Variants in ZNF143 observed in about 807,000 individuals in gnomAD.
The protein encoded by ZNF143 is SPH-binding factor.
ZNF143 carries 49 observed loss-of-function variants against 74.1 expected under a neutral mutation model. The ratio of observed to expected loss-of-function variants is 0.66; its 90% CI spans 0.53 to 0.84. The LOEUF (loss-of-function observed/expected upper bound fraction) is 0.84. ZNF143 is among the 40% of genes least tolerant of loss of function. ZNF143 has a pLI of 0.00. For synonymous variants in ZNF143, 304 were observed against 282.8 expected (o/e 1.07, Z -0.75); for missense variants, 637 against 793.4 (o/e 0.80, Z 2.37).
chr11:9,464,221 T>C (rs987981279), intron 1 of ZNF143, among the ~76,000 whole-genome samples: 1 of 151,646 alleles, frequency 6.6e-6, no homozygotes, highest in Admixed American at 6.6e-5. Context: ...AGCCTCAACC[T>C]CCCTGGCACA....
intron 14 of ZNF143, among the ~76,000 whole-genome samples, chr11:9,518,370 G>A (rs1465701470): frequency 1.3e-5 from 2 of 152,222 alleles, no homozygotes; most frequent in Non-Finnish European, 1.5e-5. Context: ...TAGTGGGAAT[G>A]TAAAATGATC....
intron 7 of ZNF143, among the ~76,000 whole-genome samples, chr11:9,485,548 A>G (rs1297137127): frequency 2.0e-5 from 3 of 151,202 alleles, no homozygotes; most frequent in Non-Finnish European, 4.4e-5. Flanking sequence ...AGGTTTTGCC[A>G]TGTTGGCCAG....
chr11:9,478,472 G>A lies in ZNF143; in HGVS notation c.456G>A (p.Pro152=), dbSNP rs768970571. The A allele has an allele frequency of 3.7e-5, 60 of 1,614,070 alleles. No homozygotes were observed. The highest frequency in any genetic ancestry group is 3.3e-4 in the Middle Eastern group (2 of 6,084). Residue 152 remains proline, a synonymous_variant, in exon 6 of 16, where the codon CCG becomes CCA. Coordinates refer to ENST00000396602, the MANE Select transcript of ZNF143 (RefSeq NM_003442.6). ...ATATCCACCATGCAGTGCAAGTCCC[G>A]CAGTCTGACACCATCTTGGCAATTC... is the stretch of plus-strand genomic sequence containing the variant. The part of the protein sequence containing the change: ...TAYIHHAVQV[P]QSDTILAIQA...
chr11:9,510,360 G>T (rs1408416357), intron 12 of ZNF143, among the ~76,000 whole-genome samples: 1 of 151,964 alleles, frequency 6.6e-6, no homozygotes, highest in Non-Finnish European at 1.5e-5. Context: ...TCCTGACCTC[G>T]TGATCCGCCC....
intron 1 of ZNF143, among the ~76,000 whole-genome samples, chr11:9,465,639 A>G (rs928887498): frequency 6.8e-6 from 1 of 147,824 alleles, no homozygotes; most frequent in Admixed American, 6.7e-5. Flanking sequence ...AGCTGGGACT[A>G]TAGGCGCCCG....
intron 7 of ZNF143, among the ~76,000 whole-genome samples, chr11:9,490,251 A>G (rs544651028): frequency 2.1e-5 from 3 of 143,376 alleles, no homozygotes; most frequent in African/African-American, 7.6e-5. Context: ...TTTTCCCTGG[A>G]TGGTGGAATT....
chr11:9,463,501 A>G (rs1855996502), intron 1 of ZNF143, among the ~76,000 whole-genome samples: 2 of 152,228 alleles, frequency 1.3e-5, no homozygotes, highest in African/African-American at 2.4e-5. Flanking sequence ...TGTCTCTTGT[A>G]GGTTTGGTTT....
At chr11:9,471,586 CTT>C (rs1856572576) in intron 2 of ZNF143, among the ~76,000 whole-genome samples, 166 bp downstream of exon 2, 1 of 150,744 alleles carries the variant, frequency 6.6e-6, no homozygotes, top group Middle Eastern at 3.2e-3. Context: ...GAGTTTTACT[CTT>C]GTCGCCCAGG....
At chr11:9,469,856 C>A (rs1856467741) in intron 1 of ZNF143, among the ~76,000 whole-genome samples, 4 of 152,170 alleles carry the variant, frequency 2.6e-5, no homozygotes, top group Admixed American at 2.0e-4. Flanking sequence ...CCTTGACTGA[C>A]AGTTATCATG....
intron 7 of ZNF143, among the ~76,000 whole-genome samples, chr11:9,481,909 A>G (rs1420403879): frequency 6.6e-6 from 1 of 150,850 alleles, no homozygotes; most frequent in Non-Finnish European, 1.5e-5. Context: ...AAAATTTCAG[A>G]ACTCAAAACG....
At chr11:9,478,836 C>A (rs914524742) in intron 6 of ZNF143, among the ~76,000 whole-genome samples, 2 of 151,364 alleles carry the variant, frequency 1.3e-5, no homozygotes, top group Non-Finnish European at 2.9e-5. Context: ...AAGTCAAAAT[C>A]AGTTAGTATC....
At chr11:9,491,598 A>C (rs1847779681) in intron 7 of ZNF143, among the ~76,000 whole-genome samples, 1 of 151,106 alleles carries the variant, frequency 6.6e-6, no homozygotes, top group South Asian at 2.1e-4. Context: ...AGATCGCACC[A>C]CCTCACTCCA....
Position 9,516,379 on chromosome 11 carries a change from G to A in ZNF143, c.1686+17G>A. On this transcript the variant is annotated intron_variant, in intron 14 of 15. Transcript: ENST00000396602. The stretch of plus-strand genomic sequence containing the variant: ...GGGGAACAGGTAATTACTTTTTTCT[G>A]TTATGTCAATCAATACATATATCAG... 1.9e-6 allele frequency: 3 copies of A among 1,594,226 alleles called. No individual in the cohort carries two copies. Among genetic ancestry groups the A allele is most frequent in the Non-Finnish European group, 2.6e-6 (3 of 1,169,126 alleles).
chr11:9,478,960 C>G (rs115363516), intron 6 of ZNF143, among the ~76,000 whole-genome samples: 1 of 151,598 alleles, frequency 6.6e-6, no homozygotes, highest in African/African-American at 2.4e-5. Context: ...GAAAGATATA[C>G]GAGGATGAAG....
At chr11:9,487,282 T>C (rs868813939) in intron 7 of ZNF143, among the ~76,000 whole-genome samples, 21 of 151,660 alleles carry the variant, frequency 1.4e-4, no homozygotes, top group Non-Finnish European at 2.2e-4. Flanking sequence ...ATGTCCTTTA[T>C]AGACAGGCAG....
At position 9,527,522 on chromosome 11, in the gene ZNF143, T is replaced by C. The variant is rs1188338874; in HGVS notation, c.1834-8T>C. 1 of 1,613,960 alleles carries C rather than the reference T, an allele frequency of 6.2e-7. No individual in the cohort carries two copies. The highest frequency in any genetic ancestry group is 1.1e-5 in the South Asian group (1 of 91,082). On this transcript the variant is annotated splice_region_variant and splice_polypyrimidine_tract_variant and intron_variant, in intron 15 of 15. Transcript: ENST00000396602. ...TGTTAGCGTTTGATGTGTGTGTTCC[T>C]GTTTCAGCTTGGAGAACAGCCATCT...
intron 7 of ZNF143, among the ~76,000 whole-genome samples, chr11:9,488,476 A>T (rs1232864378): frequency 6.6e-6 from 1 of 152,154 alleles, no homozygotes; most frequent in African/African-American, 2.4e-5. Flanking sequence ...TCTTCTAGAT[A>T]ACACTCCAAA....
chr11:9,508,898 A>G lies in ZNF143; in HGVS notation c.1375+52A>G, dbSNP rs758388539. On this transcript the variant is annotated intron_variant, in intron 12 of 15. Transcript: ENST00000396602. ...TTTCTGAGTTTGAGAATCAACAGTT[A>G]TGAACATAATTTATGATTCATAGCA... is the stretch of plus-strand genomic sequence containing the variant. 6 of 1,501,516 alleles carry G rather than the reference A, an allele frequency of 4.0e-6. No homozygotes were observed. In the South Asian group the frequency reaches 7.2e-5, roughly 18 times the overall value. 93.0% of individuals were successfully genotyped at this position (1,501,516 alleles called of 1,614,324 possible). A position where few individuals can be genotyped will look rare whatever the true frequency, so the allele number is the denominator to read the frequency against.
At chr11:9,515,682 A>T (rs1188263647) in intron 13 of ZNF143, among the ~76,000 whole-genome samples, 1 of 148,728 alleles carries the variant, frequency 6.7e-6, no homozygotes, top group Non-Finnish European at 1.5e-5. Flanking sequence ...AAAGAAAAAG[A>T]AAAGAAATAC....
Sources: gnomAD v4.1 joint callset for allele counts (sites outside exome capture counted in the v4.1 genomes callset) on GRCh38, gnomAD v4.1.1 for gene constraint, MANE v1.5 for transcripts, NCBI Gene and HGNC (gene_info 2026-07-23, HGNC 2026-07-21) for gene names.